RSL1D1: variants seen among roughly 807,000 people sequenced by gnomAD.
RSL1D1 encodes the protein ribosomal L1 domain containing 1.
RSL1D1 carries 34 observed loss-of-function variants against 44.6 expected under a neutral mutation model. The observed-to-expected ratio is 0.76, with a 90% CI of 0.58 to 1.02. The LOEUF (loss-of-function observed/expected upper bound fraction) is 1.02. RSL1D1 is among the 50% of genes least tolerant of loss of function. RSL1D1 has a pLI of 0.00. For missense variants in RSL1D1, 767 were observed against 568.1 expected, an observed-to-expected ratio of 1.35 and a Z score of -3.56; for synonymous variants, 271 against 207.4, an observed-to-expected ratio of 1.31 and a Z score of -2.63.
intron 5 of RSL1D1, among the ~76,000 whole-genome samples, chr16:11,844,668 A>G (rs768383035): frequency 1.3e-5 from 2 of 152,158 alleles, no homozygotes; most frequent in Admixed American, 6.6e-5. Context: ...AGCAGAGGCA[A>G]GAAGTCTGTG....
chr16:11,846,413 C>CA (rs1408792694), intron 5 of RSL1D1, 88 bp downstream of exon 5: 15 of 745,004 alleles, frequency 2.0e-5, no homozygotes, highest in Admixed American at 3.1e-5. Context: ...AAAACAAAAA[C>CA]AAAAAACAAA....
rs1206984759 is a variant in RSL1D1, at chr16:11,835,747, C to T, written c.*2040G>A. On this transcript the variant is annotated 3_prime_UTR_variant, in exon 9 of 9. Transcript: ENST00000571133. ...GCAATCCACCCAGCGTTCCAAAGTGCTGGGATTATGTTGCGAAAAGCTGAG... is the reference window on the plus strand; with the variant it reads ...GCAATCCACCCAGCGTTCCAAAGTGTTGGGATTATGTTGCGAAAAGCTGAG... 1 of 152,384 alleles carries T rather than the reference C, an allele frequency of 6.6e-6. No homozygotes were observed. Among genetic ancestry groups the T allele is most frequent in the African/African-American group, 2.4e-5 (1 of 41,434 alleles). 9.4% of individuals were successfully genotyped at this position (152,384 alleles called of 1,614,324 possible). A position where few individuals can be genotyped will look rare whatever the true frequency, so the allele number is the denominator to read the frequency against.
intron 8 of RSL1D1, among the ~76,000 whole-genome samples, chr16:11,838,784 A>C (rs940796010): frequency 2.0e-5 from 3 of 148,640 alleles, no homozygotes; most frequent in Non-Finnish European, 3.0e-5. Flanking sequence ...TTGGGCACGA[A>C]AGGTGGAGGT....
chr16:11,839,964 C>A lies in RSL1D1; in HGVS notation c.877G>T (p.Glu293Ter). The change falls in exon 8 of 9, where the codon GAA (glutamate) becomes TAA (stop). Residue 293 changes from glutamate to a stop codon, truncating the protein, a stop_gained. Transcript: ENST00000571133. LOFTEE classifies it high-confidence loss of function. ...KKKEARRKRRERNFEKQKERK... is the reference protein window; with the variant it reads ...KKKEARRKRR Reference sequence around the variant, plus strand: ...TCCTTTTGTTTTTCAAAATTTCTTTCTCTTCGTTTTCTCCTTGCCTCCTAC... The same window carrying A: ...TCCTTTTGTTTTTCAAAATTTCTTTATCTTCGTTTTCTCCTTGCCTCCTAC... The A allele has an allele frequency of 6.2e-7, 1 of 1,612,428 alleles. No individual in the cohort carries two copies. The highest frequency in any genetic ancestry group is 8.5e-7 in the Non-Finnish European group (1 of 1,179,448).
intron 5 of RSL1D1, among the ~76,000 whole-genome samples, chr16:11,845,721 A>T (rs983155306): frequency 6.8e-6 from 1 of 146,196 alleles, no homozygotes; most frequent in African/African-American, 2.5e-5. Context: ...AGAGAACTGA[A>T]CTTTTTTTTT....
rs1366175824 is a variant in RSL1D1, at chr16:11,850,339, T to C, written c.185A>G (p.Glu62Gly). The C allele has an allele frequency of 6.2e-7, 1 of 1,600,874 alleles. No homozygotes were observed. Among genetic ancestry groups the C allele is most frequent in the Admixed American group, 1.8e-5 (1 of 55,506 alleles). The change falls in exon 2 of 9, where the codon GAA becomes GGA. Residue 62 changes from glutamate (E) to glycine (G), a missense_variant. Glu to Gly is a moderately conservative substitution (Grantham distance 98). Transcript: ENST00000571133. ...NNYGLLLNEN[E>G]SLFLMVVLWK... is the part of the protein sequence containing the mutation. ...TAATACCACCATTAAAAATAAACTT[T>C]CATTCTCATTCAAAAGCAACCCATA... is the stretch of plus-strand genomic sequence containing the variant.
intron 8 of RSL1D1, among the ~76,000 whole-genome samples, chr16:11,838,776 G>A (rs932154882): frequency 7.3e-5 from 11 of 151,324 alleles, no homozygotes; most frequent in African/African-American, 2.4e-4. Flanking sequence ...AGAATTGCTT[G>A]GGCACGAAAG....
At position 11,834,025 on chromosome 16, in the gene RSL1D1, G is replaced by A. The variant is rs1171631479; in HGVS notation, c.*3762C>T. ...ATTCCAGAAACCCAGTGCCAACAAT[G>A]AAATATCACCCTCATACTTGGCCCA... is the stretch of plus-strand genomic sequence containing the variant. On this transcript the variant is annotated 3_prime_UTR_variant, in exon 9 of 9. Transcript: ENST00000571133. The A allele has an allele frequency of 6.6e-6, 1 of 152,062 alleles. No homozygotes were observed. Among genetic ancestry groups the A allele is most frequent in the Non-Finnish European group, 1.5e-5 (1 of 68,024 alleles). The allele number at this position is 152,062 out of a possible 1,614,324, so 9.4% of individuals were successfully genotyped here. A position where few individuals can be genotyped will look rare whatever the true frequency, so the allele number is the denominator to read the frequency against.
At chr16:11,839,430 C>G (rs2053746712) in intron 8 of RSL1D1, among the ~76,000 whole-genome samples, 1 of 143,408 alleles carries the variant, frequency 7.0e-6, no homozygotes, top group African/African-American at 2.6e-5. Flanking sequence ...TGGTGGCTCA[C>G]ACTTGTAATC....
In RSL1D1 at chr16:11,836,226, G is replaced by C. The variant is rs998414736; in HGVS notation, c.*1561C>G. On this transcript the variant is annotated 3_prime_UTR_variant, in exon 9 of 9. Coordinates refer to ENST00000571133, the MANE Select transcript of RSL1D1 (RefSeq NM_015659.3). ...CCTTCACAGCCTCCACCATCCCGAT[G>C]GTCTGCTGGTCCTACTTCTCTCTCA... The C allele has an allele frequency of 2.0e-5, 3 of 152,150 alleles. No individual in the cohort carries two copies. Among genetic ancestry groups the C allele is most frequent in the African/African-American group, 7.2e-5 (3 of 41,440 alleles). 9.4% of individuals were successfully genotyped at this position (152,150 alleles called of 1,614,324 possible).
chr16:11,847,515 T>C (rs2053807377), intron 3 of RSL1D1, 153 bp downstream of exon 3: 7 of 645,410 alleles, frequency 1.1e-5, no homozygotes, highest in Admixed American at 5.8e-5. Context: ...ATTTGCAAGA[T>C]ATAAAAGCTA....
Position 11,835,227 on chromosome 16 carries a change from G to C in RSL1D1, c.*2560C>G, listed in dbSNP as rs2053708383. On this transcript the variant is annotated 3_prime_UTR_variant, in exon 9 of 9. Transcript: ENST00000571133. ...TTTTCAGTTTTGCTCTGCCGCCCAG[G>C]CTGGAGTGCAGTGGTGTGATCTCAG... 6.6e-6 allele frequency: 1 copy of C among 152,160 alleles called. No individual in the cohort carries two copies. The highest frequency in any genetic ancestry group is 2.1e-4 in the South Asian group (1 of 4,830). 9.4% of individuals were successfully genotyped at this position (152,160 alleles called of 1,614,324 possible). A position where few individuals can be genotyped will look rare whatever the true frequency, so the allele number is the denominator to read the frequency against.
intron 2 of RSL1D1, chr16:11,849,303 AGTCAG>A (rs1379514135): frequency 6.6e-6 from 1 of 151,190 alleles, no homozygotes; most frequent in African/African-American, 2.4e-5. Context: ...GGATCACTTG[AGTCAG>A]GTCAGGGAGG....
Position 11,850,438 on chromosome 16 carries a change from CAAAT to C in RSL1D1, c.106-24_106-21del, listed in dbSNP as rs759974312. On this transcript the variant is annotated intron_variant, in intron 1 of 8. Transcript: ENST00000571133. ...TCTAACCTGCAAAGTGGAAATTAGACAAATAAGTGAAATGTTTTCACAATAACTT... is the reference window on the plus strand; with the variant it reads ...TCTAACCTGCAAAGTGGAAATTAGACAAGTGAAATGTTTTCACAATAACTT... The C allele has an allele frequency of 2.5e-6, 4 of 1,584,670 alleles. No individual in the cohort carries two copies. In the Admixed American group the frequency reaches 6.0e-5, roughly 24 times the overall value.
chr16:11,843,871 C>CAAA (rs35833714), intron 5 of RSL1D1, among the ~76,000 whole-genome samples: 17,348 of 53,008 alleles, frequency 0.33, 4,114 homozygotes, highest in Middle Eastern at 0.43. Context: ...AACTCTGTCT[C>CAAA]AAAAAAAAAA....
intron 8 of RSL1D1, among the ~76,000 whole-genome samples, chr16:11,838,481 G>C (rs1037170351): frequency 6.6e-6 from 1 of 151,972 alleles, no homozygotes; most frequent in Non-Finnish European, 1.5e-5. Context: ...GTTTTTCAGC[G>C]CATGGCCAAG....
chr16:11,851,222 G>C (rs1198496200), intron 1 of RSL1D1, 186 bp downstream of exon 1: 1 of 656,342 alleles, frequency 1.5e-6, no homozygotes. Flanking sequence ...CAGGCCGCAG[G>C]ACCAGGGAAA....
chr16:11,846,444 TA>T, intron 5 of RSL1D1, 56 bp downstream of exon 5: 1 of 933,946 alleles, frequency 1.1e-6, no homozygotes, highest in Non-Finnish European at 1.7e-6. Context: ...TAAGTATATA[TA>T]AAATCATTGT....
chr16:11,840,051 T>G, intron 7 of RSL1D1, 66 bp from the exon 8 acceptor site: 1 of 1,562,686 alleles, frequency 6.4e-7, no homozygotes, highest in Non-Finnish European at 8.6e-7. Context: ...ACGGCATAGA[T>G]GTACCACGTG....
Sources: gnomAD v4.1 joint callset for allele counts (sites outside exome capture counted in the v4.1 genomes callset) on GRCh38, gnomAD v4.1.1 for gene constraint, MANE v1.5 for transcripts, NCBI Gene and HGNC (gene_info 2026-07-23, HGNC 2026-07-21) for gene names.